DNAJC3: variants seen among roughly 807,000 people sequenced by gnomAD.
DNAJC3 encodes DnaJ heat shock protein family (Hsp40) member C3.
A neutral mutation model predicts 68.6 loss-of-function variants in DNAJC3; 38 were observed. The observed-to-expected ratio is 0.55, with a 90% confidence interval of 0.43 to 0.73. The LOEUF (loss-of-function observed/expected upper bound fraction) is 0.73, where lower values mean the gene tolerates loss of function less well. Ranked by LOEUF, DNAJC3 falls within the 30% of genes least tolerant of loss-of-function variation. The pLI is 0.00. For missense variants in DNAJC3, 526 were observed against 591.9 expected, an observed-to-expected ratio of 0.89 and a Z score of 1.16; for synonymous variants, 203 against 204.0, an observed-to-expected ratio of 1.00 and a Z score of 0.04.
At chr13:95,677,531 G>A (rs1199850966) in intron 1 of DNAJC3, among the ~76,000 whole-genome samples, 194 bp downstream of exon 1, 1 of 152,200 alleles carries the variant, frequency 6.6e-6, no homozygotes, top group Non-Finnish European at 1.5e-5. Context: ...GGGGACTGGC[G>A]GGCCGCGGGG....
intron 1 of DNAJC3, among the ~76,000 whole-genome samples, chr13:95,699,086 T>G (rs1029684557): frequency 2.6e-5 from 4 of 152,274 alleles, no homozygotes; most frequent in African/African-American, 9.6e-5. Context: ...CAATGCCTCT[T>G]ATGGGGAAAG....
intron 1 of DNAJC3, among the ~76,000 whole-genome samples, chr13:95,707,768 G>T (rs1309210047): frequency 2.6e-5 from 4 of 152,198 alleles, no homozygotes; most frequent in Admixed American, 1.3e-4. Context: ...AGGACTAAGA[G>T]CCTCAAGGAA....
At chr13:95,783,099 A>G (rs764354275) in intron 9 of DNAJC3, among the ~76,000 whole-genome samples, 3 of 151,812 alleles carry the variant, frequency 2.0e-5, no homozygotes, top group Non-Finnish European at 2.9e-5. Flanking sequence ...TTTTTTGTCT[A>G]TTGGGTGTTT....
intron 4 of DNAJC3, among the ~76,000 whole-genome samples, chr13:95,730,053 A>G (rs1008281016): frequency 6.6e-6 from 1 of 152,146 alleles, no homozygotes; most frequent in African/African-American, 2.4e-5. Context: ...GTACAGTGGC[A>G]TGATCGTGGC....
intron 4 of DNAJC3, among the ~76,000 whole-genome samples, chr13:95,731,628 C>A (rs752454107): frequency 1.3e-5 from 2 of 152,274 alleles, no homozygotes; most frequent in South Asian, 4.1e-4. Context: ...ACCATTCTTG[C>A]GTCTCTGGGA....
chr13:95,748,706 C>T (rs535658115), intron 4 of DNAJC3, among the ~76,000 whole-genome samples: 1 of 152,196 alleles, frequency 6.6e-6, no homozygotes, highest in African/African-American at 2.4e-5. Flanking sequence ...ATCCCAGCTA[C>T]TCAGGAAGCT....
rs559351026 is a variant in DNAJC3 at position 95,752,599 on chromosome 13, C to T, written c.394-5045C>T. On this transcript the variant is annotated intron_variant, in intron 4 of 11. Coordinates refer to ENST00000602402, the MANE Select transcript of DNAJC3 (RefSeq NM_006260.5). ...TTGATGTTCCACAAAACTCCACTCG[C>T]GATTATATAGGTTAGTTACATATGG... is the stretch of plus-strand genomic sequence containing the variant. Among the ~76,000 whole-genome samples the T allele has an allele frequency of 2.6e-5, 4 of 152,194 alleles. 1 individual carries two copies. The South Asian group carries it at 6.2e-4, about 24-fold the overall frequency.
At position 95,760,746 on chromosome 13, in the gene DNAJC3, A is replaced by G; in HGVS notation, c.796A>G (p.Lys266Glu). 1 of 1,613,016 alleles carries G rather than the reference A, an allele frequency of 6.2e-7. No individual in the cohort carries two copies. Among genetic ancestry groups the G allele is most frequent in the Non-Finnish European group, 8.5e-7 (1 of 1,179,512 alleles). Residue 266 changes from lysine to glutamate, a missense_variant, in exon 7 of 12, where the codon AAG (lysine) becomes GAG (glutamate). Lys to Glu is a moderately conservative substitution (Grantham distance 56). Transcript: ENST00000602402. ...KRCFAHYKQV[K>E]KLNKLIESAE... ...GTGTTTTGCACACTATAAACAAGTAAAGAAACTTAATAAGCTGATTGAGTC... is the reference window on the plus strand; with the variant it reads ...GTGTTTTGCACACTATAAACAAGTAGAGAAACTTAATAAGCTGATTGAGTC...
At chr13:95,764,051 C>G in intron 9 of DNAJC3, 98 bp downstream of exon 9, 1 of 1,511,078 alleles carries the variant, frequency 6.6e-7, no homozygotes, top group Non-Finnish European at 8.9e-7. Flanking sequence ...TACCAGAGTA[C>G]CTGGAAATGT....
At chr13:95,696,485 C>T (rs557170760) in intron 1 of DNAJC3, among the ~76,000 whole-genome samples, 12 of 152,270 alleles carry the variant, frequency 7.9e-5, no homozygotes, top group East Asian at 7.7e-4. Context: ...TAACCAGTTA[C>T]GGGAGCACTG....
chr13:95,710,659 GTGTTTTGTTT>G (rs551286955), intron 2 of DNAJC3, among the ~76,000 whole-genome samples: 17 of 151,746 alleles, frequency 1.1e-4, no homozygotes, highest in South Asian at 1.0e-3. Flanking sequence ...ACCGAGGGTG[GTGTTTTGTTT>G]TGTTTTGTTT....
chr13:95,690,805 T>C (rs1880219004), intron 1 of DNAJC3, among the ~76,000 whole-genome samples: 1 of 122,164 alleles, frequency 8.2e-6, no homozygotes, highest in African/African-American at 3.2e-5. Flanking sequence ...CCCCCCCACC[T>C]CCCTCCCGGA....
chr13:95,726,864 CATT>C (rs914184891), intron 4 of DNAJC3, among the ~76,000 whole-genome samples: 4 of 152,208 alleles, frequency 2.6e-5, no homozygotes, highest in African/African-American at 9.7e-5. Context: ...AAATTTCTAA[CATT>C]ATCATAACAC....
intron 2 of DNAJC3, 105 bp downstream of exon 2, chr13:95,709,442 ATAAAACATTTAAATATATTTG>A (rs1379901653): frequency 2.5e-6 from 2 of 790,042 alleles, no homozygotes; most frequent in East Asian, 6.4e-5. Context: ...TCATGTTTAA[ATAAAACATTTAAATATATTTG>A]TGGGATTCTG....
At chr13:95,684,272 A>T (rs887593652) in intron 1 of DNAJC3, among the ~76,000 whole-genome samples, 3 of 152,038 alleles carry the variant, frequency 2.0e-5, no homozygotes, top group African/African-American at 4.8e-5. Flanking sequence ...AGTAAAGGCC[A>T]CTCTTGCTAT....
intron 2 of DNAJC3, among the ~76,000 whole-genome samples, chr13:95,714,440 G>C (rs1441677295): frequency 6.6e-6 from 1 of 150,446 alleles, no homozygotes; most frequent in African/African-American, 2.5e-5. Context: ...GGTGCAGTAG[G>C]ATATGTAAAG....
chr13:95,698,642 C>G (rs1057422947), intron 1 of DNAJC3, among the ~76,000 whole-genome samples: 1 of 152,116 alleles, frequency 6.6e-6, no homozygotes, highest in Non-Finnish European at 1.5e-5. Flanking sequence ...CCGAGAGTCA[C>G]AGTAAATGCC....
chr13:95,703,259 T>C (rs1880629344), intron 1 of DNAJC3, among the ~76,000 whole-genome samples: 2 of 152,214 alleles, frequency 1.3e-5, no homozygotes, highest in African/African-American at 4.8e-5. Context: ...AATGGCAGTG[T>C]CTTTCATATT....
chr13:95,688,724 T>C (rs1464496225), intron 1 of DNAJC3, among the ~76,000 whole-genome samples: 1 of 152,096 alleles, frequency 6.6e-6, no homozygotes. Flanking sequence ...GGGCTGGTCT[T>C]GAACTGGCTT....
Sources: gnomAD v4.1 joint callset for allele counts (sites outside exome capture counted in the v4.1 genomes callset) on GRCh38, gnomAD v4.1.1 for gene constraint, MANE v1.5 for transcripts, NCBI Gene and HGNC (gene_info 2026-07-23, HGNC 2026-07-21) for gene names.